LDB2: variants seen among roughly 807,000 people sequenced by gnomAD.
LDB2 encodes LIM domain binding 2.
In LDB2, 12 loss-of-function variants were observed where a neutral mutation model predicts 44.3. The ratio of observed to expected loss-of-function variants is 0.27; its 90% CI spans 0.17 to 0.44. The LOEUF is 0.44. LDB2 is among the 20% of genes least tolerant of loss of function. The pLI is 1.00. For missense variants in LDB2, 344 were observed against 473.5 expected (o/e 0.73, Z 2.54); for synonymous variants, 164 against 174.8 (o/e 0.94, Z 0.49).
chr4:16,784,896 C>T (rs1774056590), intron 1 of LDB2, among the ~76,000 whole-genome samples: 1 of 152,120 alleles, frequency 6.6e-6, no homozygotes, highest in Non-Finnish European at 1.5e-5. Context: ...GCTCTGCTCC[C>T]TGGGTGTAGA....
intron 1 of LDB2, among the ~76,000 whole-genome samples, chr4:16,840,283 A>C (rs1464450792): frequency 1.3e-5 from 2 of 152,224 alleles, no homozygotes; most frequent in Non-Finnish European, 2.9e-5. Flanking sequence ...GATGAAAATG[A>C]CTTTGAGTGA....
At chr4:16,831,174 C>CTTTTTTTTTTTT (rs370309653) in intron 1 of LDB2, among the ~76,000 whole-genome samples, 1 of 126,748 alleles carries the variant, frequency 7.9e-6, no homozygotes, top group Non-Finnish European at 1.6e-5. Context: ...CCTCTCTGAG[C>CTTTTTTTTTTTT]TTTTTTTTTT....
chr4:16,568,923 G>A (rs1205254666), intron 5 of LDB2, among the ~76,000 whole-genome samples: 1 of 152,172 alleles, frequency 6.6e-6, no homozygotes, highest in Admixed American at 6.5e-5. Context: ...TCGCAGGCAA[G>A]GTTTTATCTT....
intron 1 of LDB2, among the ~76,000 whole-genome samples, chr4:16,896,537 T>C (rs1162799147): frequency 1.3e-5 from 2 of 152,152 alleles, no homozygotes; most frequent in Non-Finnish European, 2.9e-5. Flanking sequence ...TGTTCCTAAC[T>C]GCAGGAGGAT....
At chr4:16,746,859 G>A (rs77949814) in intron 2 of LDB2, among the ~76,000 whole-genome samples, 3,653 of 152,242 alleles carry the variant, frequency 0.024, 66 homozygotes, top group Non-Finnish European at 0.035. Flanking sequence ...CCTAATTTCC[G>A]GGGAATGGGT....
At chr4:16,644,034 G>A (rs180888143) in intron 2 of LDB2, among the ~76,000 whole-genome samples, 7 of 152,234 alleles carry the variant, frequency 4.6e-5, no homozygotes, top group Admixed American at 2.0e-4. Flanking sequence ...TTGTCAACTT[G>A]TCAATTGCTC....
At chr4:16,771,947 A>C (rs1301122016) in intron 1 of LDB2, among the ~76,000 whole-genome samples, 1 of 152,088 alleles carries the variant, frequency 6.6e-6, no homozygotes, top group Non-Finnish European at 1.5e-5. Flanking sequence ...CTGTGTAGGG[A>C]GCTCACTCTC....
At chr4:16,562,290 G>A (rs376988103) in intron 5 of LDB2, among the ~76,000 whole-genome samples, 6 of 152,240 alleles carry the variant, frequency 3.9e-5, no homozygotes, top group African/African-American at 9.6e-5. Flanking sequence ...GCAACCTACA[G>A]AATGGGAGAA....
chr4:16,683,738 A>G (rs1748514139), intron 2 of LDB2, among the ~76,000 whole-genome samples: 1 of 152,194 alleles, frequency 6.6e-6, no homozygotes. Context: ...TAATAGATGA[A>G]CCTTCAAGGC....
chr4:16,860,193 C>A (rs1455468171), intron 1 of LDB2, among the ~76,000 whole-genome samples: 1 of 152,218 alleles, frequency 6.6e-6, no homozygotes, highest in East Asian at 1.9e-4. Flanking sequence ...ATAATGTTAC[C>A]TGCCAGTCCC....
chr4:16,821,409 A>T (rs1312203956), intron 1 of LDB2, among the ~76,000 whole-genome samples: 1 of 143,324 alleles, frequency 7.0e-6, no homozygotes, highest in Admixed American at 7.1e-5. Flanking sequence ...TTGGAGACGG[A>T]GTCTCGCTCT....
chr4:16,522,565 A>G (rs1369889632), intron 5 of LDB2, among the ~76,000 whole-genome samples: 8 of 152,334 alleles, frequency 5.3e-5, no homozygotes, highest in Middle Eastern at 3.4e-3. Context: ...ACGATTTTAT[A>G]TGGGGGATTA....
At chr4:16,600,626 T>A (rs1463747442) in intron 2 of LDB2, among the ~76,000 whole-genome samples, 4 of 152,172 alleles carry the variant, frequency 2.6e-5, no homozygotes, top group Admixed American at 6.6e-5. Flanking sequence ...AAGATTTAAT[T>A]CATAGCTAAT....
At chr4:16,788,388 C>A (rs1314577199) in intron 1 of LDB2, among the ~76,000 whole-genome samples, 2 of 152,160 alleles carry the variant, frequency 1.3e-5, no homozygotes, top group Non-Finnish European at 2.9e-5. Flanking sequence ...CAACCCTTGG[C>A]AACATAAAAT....
intron 5 of LDB2, among the ~76,000 whole-genome samples, chr4:16,568,345 A>C (rs1048721284): frequency 1.1e-4 from 16 of 152,192 alleles, no homozygotes; most frequent in Non-Finnish European, 2.9e-5. Context: ...AGTACAAAGG[A>C]TTTATTTGAA....
intron 1 of LDB2, among the ~76,000 whole-genome samples, chr4:16,851,191 C>T (rs925475508): frequency 4.6e-5 from 7 of 151,914 alleles, no homozygotes; most frequent in African/African-American, 1.5e-4. Context: ...TAACCAACTT[C>T]AAGCTACCAA....
chr4:16,510,741 T>A (rs185451285), intron 6 of LDB2, among the ~76,000 whole-genome samples: 2 of 152,294 alleles, frequency 1.3e-5, no homozygotes, highest in African/African-American at 4.8e-5. Context: ...GATAATACAT[T>A]TAAAGTTATG....
At chr4:16,796,930 G>A (rs1359597710) in intron 1 of LDB2, among the ~76,000 whole-genome samples, 2 of 152,140 alleles carry the variant, frequency 1.3e-5, no homozygotes, top group African/African-American at 4.8e-5. Flanking sequence ...ACAAACATAA[G>A]AAAAGTCTGA....
At chr4:16,616,037 C>T (rs1338463127) in intron 2 of LDB2, among the ~76,000 whole-genome samples, 1 of 152,158 alleles carries the variant, frequency 6.6e-6, no homozygotes, top group East Asian at 1.9e-4. Context: ...ATGAAATGCT[C>T]TTGCCTCAGG....
Sources: allele counts gnomAD v4.1 joint callset (sites outside exome capture counted in the v4.1 genomes callset), GRCh38; gene constraint gnomAD v4.1.1; transcripts MANE v1.5; gene names NCBI Gene and HGNC (gene_info 2026-07-23, HGNC 2026-07-21).